The following TMOD3 variants were observed in gnomAD, a reference collection of about 807,000 sequenced individuals.
The protein encoded by TMOD3 is tropomodulin 3, also known as tropomodulin-3.
In TMOD3, 20 loss-of-function variants were observed where a neutral mutation model predicts 39.2. The ratio of observed to expected loss-of-function variants is 0.51; its 90% CI spans 0.36 to 0.74. The LOEUF (loss-of-function observed/expected upper bound fraction) is 0.74, where lower values mean the gene tolerates loss of function less well. Among genes scored for constraint, TMOD3 ranks in the 30% least tolerant of loss-of-function variants. The probability of loss-of-function intolerance (pLI) is 0.00; values close to 1 mark genes in which losing one functional copy is unlikely to be tolerated. For synonymous variants in TMOD3, 143 were observed against 145.8 expected, an observed-to-expected ratio of 0.98 and a Z score of 0.14; for missense variants, 381 against 412.8, an observed-to-expected ratio of 0.92 and a Z score of 0.67.
At position 51,908,787 on chromosome 15, in the gene TMOD3, C is replaced by G. The variant is rs757270688; in HGVS notation, c.1036C>G (p.Arg346Gly). Reference sequence around the variant, plus strand: ...TATTTTTCTCATAGTGCGTAAGAGACGAGTTGAAGGAGATCACCAGTAAGT... The same window carrying G: ...TATTTTTCTCATAGTGCGTAAGAGAGGAGTTGAAGGAGATCACCAGTAAGT... ...TKNNDLVRKRRVEGDHQ is the reference protein window; with the variant it reads ...TKNNDLVRKRGVEGDHQ The change falls in exon 10 of 10, where the codon CGA becomes GGA. Residue 346 changes from arginine to glycine, a missense_variant. Physicochemically the swap from Arg to Gly is moderately radical, Grantham distance 125. Coordinates refer to ENST00000308580, the MANE Select transcript of TMOD3 (RefSeq NM_014547.5). 10 of 1,606,596 alleles carry G rather than the reference C, an allele frequency of 6.2e-6. No individual in the cohort carries two copies. The highest frequency in any genetic ancestry group is 8.5e-6 in the Non-Finnish European group (10 of 1,177,086).
intron 6 of TMOD3, 135 bp from the exon 7 acceptor site, chr15:51,896,284 T>C (rs2056620123): frequency 1.6e-6 from 1 of 610,888 alleles, no homozygotes; most frequent in African/African-American, 1.8e-5. Flanking sequence ...TTGTATTCAT[T>C]TGTAGACTAA....
chr15:51,909,540 TA>T lies in TMOD3; in HGVS notation c.*733del, dbSNP rs2141713552. The T allele has an allele frequency of 6.5e-6, 1 of 152,728 alleles. No individual in the cohort carries two copies. The highest frequency in any genetic ancestry group is 6.5e-5 in the Admixed American group (1 of 15,302). The allele number at this position is 152,728 out of a possible 1,614,324, so 9.5% of individuals were successfully genotyped here. The stretch of plus-strand genomic sequence containing the variant: ...TTCATTTTAATAATGTGGGCATTAT[TA>T]AATTTTTGTGGAAGCTAATAGTAAA... On this transcript the variant is annotated 3_prime_UTR_variant, in exon 10 of 10. Transcript: ENST00000308580.
rs866248338 is a variant in TMOD3 at position 51,907,800 on chromosome 15, T to C, written c.1025-976T>C. Among the ~76,000 whole-genome samples, 3 of 152,204 alleles carry C rather than the reference T, an allele frequency of 2.0e-5. No individual in the cohort carries two copies. In the South Asian group the frequency reaches 6.2e-4, roughly 31 times the overall value. ...GTAGCAAGATCTGAAGTTGAAGACCTTGTTCTGCTACTAGAGAACACCCCT... is the reference window on the plus strand; with the variant it reads ...GTAGCAAGATCTGAAGTTGAAGACCCTGTTCTGCTACTAGAGAACACCCCT... On this transcript the variant is annotated intron_variant, in intron 9 of 9. Coordinates refer to ENST00000308580, the MANE Select transcript of TMOD3 (RefSeq NM_014547.5).
chr15:51,862,880 A>G lies in TMOD3; in HGVS notation c.-5A>G. 6.2e-7 allele frequency: 1 copy of G among 1,612,296 alleles called. No individual in the cohort carries two copies. Among genetic ancestry groups the G allele is most frequent in the Non-Finnish European group, 8.5e-7 (1 of 1,179,416 alleles). On this transcript the variant is annotated 5_prime_UTR_variant, in exon 2 of 10. Coordinates refer to ENST00000308580, the MANE Select transcript of TMOD3 (RefSeq NM_014547.5). ...AAAATTAAGTGACTTGCTGCCCTGC[A>G]CATCATGGCACTGCCATTCCGTAAG...
chr15:51,864,931 C>T (rs2056437841), intron 2 of TMOD3, among the ~76,000 whole-genome samples: 1 of 152,048 alleles, frequency 6.6e-6, no homozygotes, highest in African/African-American at 2.4e-5. Flanking sequence ...GGAGTGGTCT[C>T]TCCAGGATTA....
intron 3 of TMOD3, among the ~76,000 whole-genome samples, chr15:51,875,985 TTG>T (rs2056501025): frequency 6.6e-6 from 1 of 152,178 alleles, no homozygotes; most frequent in Non-Finnish European, 1.5e-5. Context: ...GTTTTTAGGA[TTG>T]TTATGTCCCC....
chr15:51,895,003 A>G (rs1193955940), intron 6 of TMOD3, among the ~76,000 whole-genome samples: 4 of 152,144 alleles, frequency 2.6e-5, no homozygotes, highest in Admixed American at 1.3e-4. Context: ...AGTAAACTCA[A>G]ATTATCTAGA....
intron 5 of TMOD3, among the ~76,000 whole-genome samples, chr15:51,892,031 G>C (rs902374846): frequency 2.0e-5 from 3 of 152,232 alleles, no homozygotes; most frequent in Admixed American, 2.0e-4. Flanking sequence ...CCTCGGGAAA[G>C]TAATTTTCAA....
chr15:51,899,726 T>A (rs2056640001), intron 7 of TMOD3, among the ~76,000 whole-genome samples: 2 of 151,292 alleles, frequency 1.3e-5, no homozygotes, highest in African/African-American at 2.4e-5. Context: ...CAACTTCAGA[T>A]CAAAAATATT....
At chr15:51,876,464 C>CTT (rs35777134) in intron 3 of TMOD3, among the ~76,000 whole-genome samples, 7 of 136,710 alleles carry the variant, frequency 5.1e-5, no homozygotes, top group South Asian at 2.4e-4. Context: ...GCACCCAGCG[C>CTT]TTTTTTTTTT....
At position 51,911,871 on chromosome 15, in the gene TMOD3, C is replaced by T. The variant is rs755725943; in HGVS notation, c.*3061C>T. 2.1e-4 allele frequency: 32 copies of T among 152,184 alleles called. No homozygotes were observed. The highest frequency in any genetic ancestry group is 4.3e-4 in the African/African-American group (18 of 41,514). The allele number at this position is 152,184 out of a possible 1,614,324, so 9.4% of individuals were successfully genotyped here. A position where few individuals can be genotyped will look rare whatever the true frequency, so the allele number is the denominator to read the frequency against. On this transcript the variant is annotated 3_prime_UTR_variant, in exon 10 of 10. Transcript: ENST00000308580. ...TAGGTGAAATACACTTTCAAAGTTG[C>T]CTGTCATTTAAAAGACCAAATAAGC...
At chr15:51,872,561 GCATGC>G (rs2056480503) in intron 3 of TMOD3, among the ~76,000 whole-genome samples, 2 of 150,946 alleles carry the variant, frequency 1.3e-5, no homozygotes, top group Non-Finnish European at 1.5e-5. Flanking sequence ...CGGGCATCTG[GCATGC>G]CTATGTCATA....
chr15:51,865,971 A>T (rs1235310951), intron 2 of TMOD3, among the ~76,000 whole-genome samples: 1 of 152,184 alleles, frequency 6.6e-6, no homozygotes, highest in Non-Finnish European at 1.5e-5. Context: ...AAGGCTAGGA[A>T]TATATTTTAC....
intron 3 of TMOD3, among the ~76,000 whole-genome samples, chr15:51,876,812 A>G (rs2056506648): frequency 1.3e-5 from 2 of 152,188 alleles, no homozygotes; most frequent in Middle Eastern, 3.4e-3. Context: ...GATGGCTCAC[A>G]CCTGTAATTG....
chr15:51,850,574 T>C (rs1317995544), intron 1 of TMOD3, among the ~76,000 whole-genome samples: 1 of 152,200 alleles, frequency 6.6e-6, no homozygotes, highest in Non-Finnish European at 1.5e-5. Context: ...GGAGAGTGAC[T>C]GGACTAGGAT....
At chr15:51,865,787 G>C (rs987573563) in intron 2 of TMOD3, among the ~76,000 whole-genome samples, 1 of 152,136 alleles carries the variant, frequency 6.6e-6, no homozygotes, top group East Asian at 1.9e-4. Context: ...AAAGTCTCAG[G>C]AAGTAGGTCG....
Position 51,907,770 on chromosome 15 carries a change from C to T in TMOD3, c.1025-1006C>T, listed in dbSNP as rs17706040. On this transcript the variant is annotated intron_variant, in intron 9 of 9. Transcript: ENST00000308580. ...CTCTCTAGTGGCTGATAGGTGAGAGCGCAGGTAGCAAGATCTGAAGTTGAA... is the reference window on the plus strand; with the variant it reads ...CTCTCTAGTGGCTGATAGGTGAGAGTGCAGGTAGCAAGATCTGAAGTTGAA... Among the ~76,000 whole-genome samples the T allele has an allele frequency of 2.7e-3, 410 of 152,312 alleles. 4 individuals are homozygous for T. In the East Asian group the frequency reaches 0.04, roughly 15 times the overall value.
intron 3 of TMOD3, among the ~76,000 whole-genome samples, chr15:51,882,255 A>G (rs1188988889): frequency 1.3e-5 from 2 of 151,668 alleles, no homozygotes; most frequent in African/African-American, 4.8e-5. Flanking sequence ...TTTGCATATG[A>G]GGGCCAGGAG....
chr15:51,875,845 C>A (rs2056500060), intron 3 of TMOD3, among the ~76,000 whole-genome samples: 1 of 151,998 alleles, frequency 6.6e-6, no homozygotes, highest in Non-Finnish European at 1.5e-5. Context: ...TTCGCCATCT[C>A]CTGACCTCGT....
Sources: gnomAD v4.1 joint callset for allele counts (sites outside exome capture counted in the v4.1 genomes callset) on GRCh38, gnomAD v4.1.1 for gene constraint, MANE v1.5 for transcripts, NCBI Gene and HGNC (gene_info 2026-07-23, HGNC 2026-07-21) for gene names.